Variants in MEIKIN observed in about 807,000 individuals in gnomAD.
MEIKIN encodes the protein meiosis-specific kinetochore protein.
intron 8 of MEIKIN, among the ~76,000 whole-genome samples, chr5:131,882,547 G>A (rs1365725471): frequency 6.6e-6 from 1 of 152,024 alleles, no homozygotes; most frequent in East Asian, 1.9e-4. Context: ...TGTAGCTACC[G>A]ACCTATGGGG....
At chr5:131,880,643 T>C (rs1750689646) in intron 8 of MEIKIN, among the ~76,000 whole-genome samples, 1 of 152,238 alleles carries the variant, frequency 6.6e-6, no homozygotes, top group African/African-American at 2.4e-5. Flanking sequence ...CTGCAGTCCA[T>C]TATCCTTGTA....
At chr5:131,862,642 G>A (rs1435126116) in intron 9 of MEIKIN, among the ~76,000 whole-genome samples, 1 of 151,940 alleles carries the variant, frequency 6.6e-6, no homozygotes, top group African/African-American at 2.4e-5. Flanking sequence ...TCTAAGCACT[G>A]CTTTTATGAT....
chr5:131,849,378 T>A (rs923774274), intron 11 of MEIKIN, among the ~76,000 whole-genome samples: 4 of 144,964 alleles, frequency 2.8e-5, no homozygotes, highest in Non-Finnish European at 6.1e-5. Context: ...TTTATATATA[T>A]AAAGAAACCT....
At position 131,850,917 on chromosome 5, in the gene MEIKIN, C is replaced by T. The variant is rs370246781; in HGVS notation, c.975+347G>A. ...GAGCCTTGACTGCACCCTGGCACTC[C>T]AGCAGAGAGGACAGAGTGAGACTCT... On this transcript the variant is annotated intron_variant, in intron 11 of 12. Coordinates refer to ENST00000442687, the MANE Select transcript of MEIKIN (RefSeq NM_001303622.2). 1.8e-4 allele frequency among the ~76,000 whole-genome samples: 27 copies of T among 151,596 alleles called. No homozygotes were observed. In the East Asian group the frequency reaches 3.3e-3, roughly 19 times the overall value.
chr5:131,944,192 C>T (rs986364891), intron 3 of MEIKIN, among the ~76,000 whole-genome samples: 3 of 151,540 alleles, frequency 2.0e-5, no homozygotes, highest in African/African-American at 7.3e-5. Context: ...AAAATCTGAG[C>T]TTCCCTAAAT....
chr5:131,855,544 G>A (rs1219951453), intron 9 of MEIKIN, among the ~76,000 whole-genome samples: 1 of 151,604 alleles, frequency 6.6e-6, no homozygotes, highest in Non-Finnish European at 1.5e-5. Context: ...AGGGAGGAAG[G>A]GAGAAGAGGG....
chr5:131,917,465 C>T (rs1751431568), intron 6 of MEIKIN, among the ~76,000 whole-genome samples: 1 of 149,902 alleles, frequency 6.7e-6, no homozygotes, highest in East Asian at 2.0e-4. Context: ...ACTTGGGAGG[C>T]TGGGGCACGA....
chr5:131,907,808 G>A (rs1237883645), intron 8 of MEIKIN, among the ~76,000 whole-genome samples: 2 of 151,986 alleles, frequency 1.3e-5, no homozygotes, highest in Non-Finnish European at 2.9e-5. Context: ...GGAGTCAGAG[G>A]TTGCAGTGAG....
intron 9 of MEIKIN, among the ~76,000 whole-genome samples, chr5:131,871,928 GCTGAGGGTCCTGA>G (rs900200949): frequency 2.0e-5 from 3 of 152,168 alleles, no homozygotes; most frequent in African/African-American, 7.2e-5. Flanking sequence ...CAGACCTGCA[GCTGAGGGTCCTGA>G]CTGTTAGAAG....
chr5:131,936,856 C>T (rs1751787481), intron 4 of MEIKIN, among the ~76,000 whole-genome samples: 1 of 152,184 alleles, frequency 6.6e-6, no homozygotes, highest in Non-Finnish European at 1.5e-5. Context: ...CAGGCATGAA[C>T]CACAGCGCCC....
chr5:131,872,247 C>CA (rs1750518081), intron 9 of MEIKIN, among the ~76,000 whole-genome samples: 1 of 58,582 alleles, frequency 1.7e-5, no homozygotes, highest in African/African-American at 7.0e-5. Flanking sequence ...TTAAAAACTT[C>CA]GAAAAAAAAT....
At chr5:131,913,038 TG>T (rs1751355189) in intron 7 of MEIKIN, among the ~76,000 whole-genome samples, 2 of 152,218 alleles carry the variant, frequency 1.3e-5, no homozygotes, top group African/African-American at 4.8e-5. Flanking sequence ...TATGTGCCAT[TG>T]GTATCTCTGG....
At chr5:131,880,305 G>C in intron 8 of MEIKIN, among the ~76,000 whole-genome samples, 1 of 142,350 alleles carries the variant, frequency 7.0e-6, no homozygotes, top group Admixed American at 7.3e-5. Flanking sequence ...GTTTCACCAT[G>C]TTGGCCAGGC....
At chr5:131,893,913 T>C (rs140597701) in intron 8 of MEIKIN, among the ~76,000 whole-genome samples, 11,511 of 152,256 alleles carry the variant, frequency 0.076, 902 homozygotes, top group African/African-American at 0.2. Context: ...TTAGATCCCA[T>C]TTGTCTATTT....
intron 11 of MEIKIN, among the ~76,000 whole-genome samples, chr5:131,847,095 CA>C (rs200212146): frequency 6.6e-6 from 1 of 151,588 alleles, no homozygotes. Flanking sequence ...TATTTCACTA[CA>C]AAAAATCAAT....
chr5:131,829,117 C>A (rs1255464991), intron 11 of MEIKIN, among the ~76,000 whole-genome samples: 1 of 152,048 alleles, frequency 6.6e-6, no homozygotes, highest in East Asian at 1.9e-4. Context: ...AATAGTTGAT[C>A]ATTATAAAGG....
intron 11 of MEIKIN, among the ~76,000 whole-genome samples, chr5:131,843,013 C>T (rs1362941788): frequency 6.6e-6 from 1 of 152,234 alleles, no homozygotes; most frequent in Non-Finnish European, 1.5e-5. Context: ...TTCTGTGCAC[C>T]TGCAGGCCCA....
chr5:131,871,088 G>A (rs891729810), intron 9 of MEIKIN, among the ~76,000 whole-genome samples: 11 of 152,356 alleles, frequency 7.2e-5, no homozygotes, highest in Middle Eastern at 3.4e-3. Flanking sequence ...CAGAAGACGG[G>A]TGATTTCTGC....
intron 9 of MEIKIN, among the ~76,000 whole-genome samples, chr5:131,864,562 C>A (rs1485388888): frequency 2.0e-5 from 3 of 152,190 alleles, no homozygotes; most frequent in East Asian, 1.9e-4. Context: ...TCTTTCCTGG[C>A]CTGTAAGGCT....
Sources: allele counts gnomAD v4.1 joint callset (sites outside exome capture counted in the v4.1 genomes callset), GRCh38; gene constraint gnomAD v4.1.1; transcripts MANE v1.5; gene names NCBI Gene and HGNC (gene_info 2026-07-23, HGNC 2026-07-21).